ANKAR: variants seen among roughly 807,000 people sequenced by gnomAD.
ANKAR encodes the protein ankyrin and armadillo repeat containing, also known as ankyrin and armadillo repeat-containing protein.
Under a neutral mutation model 146.2 loss-of-function variants are expected in ANKAR, and 136 were observed. The observed-to-expected ratio is 0.93, with a 90% confidence interval of 0.81 to 1.07. The LOEUF is 1.07. ANKAR is among the 50% of genes least tolerant of loss of function. The probability of loss-of-function intolerance (pLI) is 0.00; values close to 1 mark genes in which losing one functional copy is unlikely to be tolerated. For missense variants in ANKAR, 1,567 were observed against 1,679.9 expected (o/e 0.93, Z 1.18); for synonymous variants, 500 against 575.8 (o/e 0.87, Z 1.88).
chr2:189,703,344 T>A (rs1038909521), intron 7 of ANKAR, among the ~76,000 whole-genome samples: 1 of 152,016 alleles, frequency 6.6e-6, no homozygotes, highest in Non-Finnish European at 1.5e-5. Flanking sequence ...TAGAGATGGG[T>A]TCTAGAGATT....
intron 18 of ANKAR, chr2:189,753,135 G>T: frequency 1.8e-6 from 1 of 547,054 alleles, no homozygotes; most frequent in South Asian, 5.5e-5. Context: ...ATAAAAATTT[G>T]GAAAGAAAAA....
chr2:189,741,793 A>G (rs1659438125), intron 20 of ANKAR, among the ~76,000 whole-genome samples: 1 of 152,192 alleles, frequency 6.6e-6, no homozygotes, highest in Admixed American at 6.5e-5. Context: ...AAAAAGAACT[A>G]CCTGTTCAAA....
At chr2:189,710,219 CTG>C (rs2039506011) in intron 9 of ANKAR, among the ~76,000 whole-genome samples, 1 of 152,170 alleles carries the variant, frequency 6.6e-6, no homozygotes. Flanking sequence ...AAAAGATAGT[CTG>C]TGTGTTTTTT....
At chr2:189,736,013 T>C (rs1050627808) in intron 17 of ANKAR, among the ~76,000 whole-genome samples, 3 of 152,162 alleles carry the variant, frequency 2.0e-5, no homozygotes, top group Admixed American at 1.3e-4. Flanking sequence ...TGAAAATATA[T>C]ATGAAGTAAA....
chr2:189,705,873 ATTAC>A, intron 8 of ANKAR, among the ~76,000 whole-genome samples: 1 of 152,150 alleles, frequency 6.6e-6, no homozygotes, highest in East Asian at 2.0e-4. Flanking sequence ...AGGCCAGGTC[ATTAC>A]TTTGGATCTC....
intron 15 of ANKAR, 23 bp from the exon 16 acceptor site, chr2:189,730,472 C>G (rs768913576): frequency 8.4e-6 from 12 of 1,432,186 alleles, no homozygotes; most frequent in South Asian, 7.5e-5. Context: ...AAAATATTAC[C>G]TCACTGGCGT....
downstream of ANKAR, among the ~76,000 whole-genome samples, chr2:189,748,542 G>C (rs912882979): frequency 6.6e-6 from 1 of 152,212 alleles, no homozygotes; most frequent in African/African-American, 2.4e-5. Flanking sequence ...AAAAATAAGA[G>C]ACCTCTTTAA....
At chr2:189,677,979 G>A (rs1296871331) in intron 2 of ANKAR, among the ~76,000 whole-genome samples, 1 of 152,186 alleles carries the variant, frequency 6.6e-6, no homozygotes, top group Non-Finnish European at 1.5e-5. Flanking sequence ...GGATCAAATG[G>A]TAGTTCTACA....
At chr2:189,729,846 G>T (rs948933362) in intron 15 of ANKAR, among the ~76,000 whole-genome samples, 2 of 151,754 alleles carry the variant, frequency 1.3e-5, no homozygotes, top group Non-Finnish European at 1.5e-5. Flanking sequence ...CATTTATTTA[G>T]GGTTAACCCA....
intron 18 of ANKAR, among the ~76,000 whole-genome samples, chr2:189,755,795 G>C (rs116782323): frequency 0.017 from 2,516 of 152,232 alleles, 67 homozygotes; most frequent in African/African-American, 0.057. Context: ...CCATGGATTT[G>C]TTTGTTGACA....
chr2:189,746,779 C>T, downstream of ANKAR: 1 of 893,340 alleles, frequency 1.1e-6, no homozygotes, highest in Non-Finnish European at 1.6e-6. Flanking sequence ...AGCATGTCTA[C>T]AGGAATTTAG....
rs967503013 is a variant in ANKAR at position 189,728,165 on chromosome 2, T to C, written c.2877+68T>C. 18 of 1,511,376 alleles carry C rather than the reference T, an allele frequency of 1.2e-5. No individual in the cohort carries two copies. The African/African-American group carries it at 1.5e-4, about 13-fold the overall frequency. The allele number at this position is 1,511,376 out of a possible 1,614,324, so 93.6% of individuals were successfully genotyped here. ...TTTCTATTTTGAATTGTTAAGTGAATAGAAAAACTAAACCAATTCTAGAAT... is the reference window on the plus strand; with the variant it reads ...TTTCTATTTTGAATTGTTAAGTGAACAGAAAAACTAAACCAATTCTAGAAT... On this transcript the variant is annotated intron_variant, in intron 13 of 22. Transcript: ENST00000684021.
chr2:189,745,488 A>T (rs560831338), intron 22 of ANKAR, among the ~76,000 whole-genome samples: 1 of 152,296 alleles, frequency 6.6e-6, no homozygotes, highest in African/African-American at 2.4e-5. Context: ...TTGATACTCT[A>T]TATAGTTTTG....
At chr2:189,741,486 T>G in intron 20 of ANKAR, 35 bp downstream of exon 20, 4 of 1,493,464 alleles carry the variant, frequency 2.7e-6, no homozygotes, top group Non-Finnish European at 2.8e-6. Flanking sequence ...TAAAATTAAA[T>G]ATGCTAAAAA....
At chr2:189,728,220 A>G (rs1335674574) in intron 13 of ANKAR, 47 bp from the exon 14 acceptor site, 2 of 1,539,624 alleles carry the variant, frequency 1.3e-6, no homozygotes, top group Non-Finnish European at 1.7e-6. Context: ...CATTCCTAAA[A>G]TGTTCAATAA....
chr2:189,701,063 T>C (rs925785499), intron 7 of ANKAR, among the ~76,000 whole-genome samples: 2 of 152,214 alleles, frequency 1.3e-5, no homozygotes, highest in African/African-American at 4.8e-5. Context: ...GTGTAGTTTT[T>C]TGTTTGCTTT....
chr2:189,700,776 C>A (rs895489195), intron 7 of ANKAR, among the ~76,000 whole-genome samples: 13 of 152,300 alleles, frequency 8.5e-5, no homozygotes, highest in African/African-American at 3.1e-4. Context: ...TAAGTGAGAA[C>A]AGGCAAAGTT....
intron 5 of ANKAR, among the ~76,000 whole-genome samples, chr2:189,694,449 C>A (rs1254469663): frequency 6.6e-6 from 1 of 152,072 alleles, no homozygotes; most frequent in Non-Finnish European, 1.5e-5. Flanking sequence ...CAGAGTTACT[C>A]AAAATTTTAT....
chr2:189,737,546 C>G (rs1309048457), intron 17 of ANKAR, 137 bp from the exon 18 acceptor site: 3 of 736,744 alleles, frequency 4.1e-6, no homozygotes, highest in Non-Finnish European at 6.2e-6. Context: ...ACTATTATCT[C>G]TTTTCCCTAG....
Sources: gnomAD v4.1 joint callset for allele counts (sites outside exome capture counted in the v4.1 genomes callset) on GRCh38, gnomAD v4.1.1 for gene constraint, MANE v1.5 for transcripts, NCBI Gene and HGNC (gene_info 2026-07-23, HGNC 2026-07-21) for gene names.